Variants in NRCAM observed in about 807,000 individuals in gnomAD.
NRCAM encodes neuronal cell adhesion molecule, also known as NgCAM-related cell adhesion molecule.
NRCAM carries 83 observed loss-of-function variants against 156.5 expected under a neutral mutation model. That is an observed-to-expected ratio of 0.53 (90% CI 0.44 to 0.64). NRCAM has a LOEUF of 0.64. Among genes scored for constraint, NRCAM ranks in the 30% least tolerant of loss-of-function variants. The pLI, the probability that NRCAM is intolerant of heterozygous loss-of-function variation, is 0.00. For synonymous variants in NRCAM, 538 were observed against 563.9 expected, an observed-to-expected ratio of 0.95 and a Z score of 0.65; for missense variants, 1,417 against 1,597.3, an observed-to-expected ratio of 0.89 and a Z score of 1.92.
chr7:108,213,023 C>A lies in NRCAM; in HGVS notation c.891-3418G>T, dbSNP rs1482182578. ...GCATGAGGTAACCTATAAAGGAACA[C>A]CTATCAGATTAACAGCAGAGTTCTC... On this transcript the variant is annotated intron_variant, in intron 11 of 32. Coordinates refer to ENST00000379028, the MANE Select transcript of NRCAM (RefSeq NM_001037132.4). Among the ~76,000 whole-genome samples the A allele has an allele frequency of 3.3e-5, 5 of 152,142 alleles. No individual in the cohort carries two copies. The East Asian group carries it at 7.7e-4, about 24-fold the overall frequency.
rs1170729462 is a variant in NRCAM, at chr7:108,159,512, G to A, written c.3628C>T (p.Pro1210Ser). ...VKEKEDAHAD[P>S]EIQPMKEDDG... ...TCTTCCTTCATAGGCTGGATTTCAGGGTCAGCATGGGCATCTTCCTTTTCT... is the reference window on the plus strand; with the variant it reads ...TCTTCCTTCATAGGCTGGATTTCAGAGTCAGCATGGGCATCTTCCTTTTCT... The change falls in exon 32 of 33, where the codon CCT (proline) becomes TCT (serine). Residue 1210 changes from proline (P) to serine (S), a missense_variant. Transcript: ENST00000379028. 1 of 1,613,102 alleles carries A rather than the reference G, an allele frequency of 6.2e-7. No individual in the cohort carries two copies. Among genetic ancestry groups the A allele is most frequent in the African/African-American group, 1.3e-5 (1 of 74,792 alleles).
At chr7:108,299,729 C>T (rs4142284) in intron 3 of NRCAM, among the ~76,000 whole-genome samples, 40,773 of 152,038 alleles carry the variant, frequency 0.27, 6,551 homozygotes, top group East Asian at 0.6. Context: ...CATGTACATA[C>T]AGCACATTGA....
intron 32 of NRCAM, among the ~76,000 whole-genome samples, chr7:108,154,479 A>G (rs2043704382): frequency 6.6e-6 from 1 of 152,184 alleles, no homozygotes; most frequent in Non-Finnish European, 1.5e-5. Flanking sequence ...GTTATCATTA[A>G]TGACCAGCCA....
In NRCAM at chr7:108,168,509, G is replaced by C. The variant is rs2056367472; in HGVS notation, c.3188-107C>G. ...GAAATTGTGCAAATAGAATTAAATAGAATTTACTGCTAAAATTTAGGGTTC... is the reference window on the plus strand; with the variant it reads ...GAAATTGTGCAAATAGAATTAAATACAATTTACTGCTAAAATTTAGGGTTC... On this transcript the variant is annotated intron_variant, in intron 28 of 32. Coordinates refer to ENST00000379028, the MANE Select transcript of NRCAM (RefSeq NM_001037132.4). 2.9e-6 allele frequency: 3 copies of C among 1,046,744 alleles called. No individual in the cohort carries two copies. The East Asian group carries it at 9.6e-5, about 34-fold the overall frequency. The allele number at this position is 1,046,744 out of a possible 1,614,324, so 64.8% of individuals were successfully genotyped here. A position where few individuals can be genotyped will look rare whatever the true frequency, so the allele number is the denominator to read the frequency against.
At chr7:108,297,879 A>G (rs2098482396) in intron 3 of NRCAM, among the ~76,000 whole-genome samples, 1 of 152,166 alleles carries the variant, frequency 6.6e-6, no homozygotes, top group African/African-American at 2.4e-5. Context: ...ATGATATCTG[A>G]GCAAAGACCT....
intron 3 of NRCAM, among the ~76,000 whole-genome samples, chr7:108,260,168 C>T (rs1358069473): frequency 6.6e-6 from 1 of 152,050 alleles, no homozygotes; most frequent in Non-Finnish European, 1.5e-5. Context: ...ATTTCTAATC[C>T]TTAACCCATT....
intron 2 of NRCAM, among the ~76,000 whole-genome samples, chr7:108,389,514 G>A (rs552502852): frequency 6.6e-6 from 1 of 152,294 alleles, no homozygotes; most frequent in Admixed American, 6.5e-5. Context: ...GGGACAATTT[G>A]ACTTCCTCTT....
intron 1 of NRCAM, among the ~76,000 whole-genome samples, chr7:108,436,744 A>C (rs1240773364): frequency 3.3e-5 from 5 of 152,254 alleles, no homozygotes; most frequent in African/African-American, 1.2e-4. Flanking sequence ...ACCTACAGTG[A>C]AATGACAATC....
At position 108,241,428 on chromosome 7, in the gene NRCAM, G is replaced by A. The variant is rs190040769; in HGVS notation, c.-106-1258C>T. Among the ~76,000 whole-genome samples the A allele has an allele frequency of 2.0e-5, 3 of 152,170 alleles. No homozygotes were observed. The East Asian group carries it at 5.8e-4, about 29-fold the overall frequency. ...TCCTCTCATTCATGAAGAGAAGTGGGGCAACCAATGACTCTCTCAAGAAGG... is the reference window on the plus strand; with the variant it reads ...TCCTCTCATTCATGAAGAGAAGTGGAGCAACCAATGACTCTCTCAAGAAGG... On this transcript the variant is annotated intron_variant, in intron 3 of 32. Transcript: ENST00000379028.
At chr7:108,442,845 C>A (rs1451635273) in intron 1 of NRCAM, among the ~76,000 whole-genome samples, 1 of 152,220 alleles carries the variant, frequency 6.6e-6, no homozygotes, top group Non-Finnish European at 1.5e-5. Context: ...GGGCCTTAAA[C>A]ATGTCAATCA....
At position 108,314,311 on chromosome 7, in the gene NRCAM, T is replaced by C. The variant is rs1356954847; in HGVS notation, c.-173-1580A>G. Among the ~76,000 whole-genome samples the C allele has an allele frequency of 7.2e-5, 11 of 152,302 alleles. No homozygotes were observed. In the South Asian group the frequency reaches 1.7e-3, roughly 23 times the overall value. On this transcript the variant is annotated intron_variant, in intron 2 of 32. Transcript: ENST00000379028. ...CATTACTCTTGTTTTGACAAATGTG[T>C]CAATGGCCTTTCATTACCCCAAAAC...
intron 1 of NRCAM, among the ~76,000 whole-genome samples, chr7:108,405,059 G>C (rs1329191876): frequency 6.6e-6 from 1 of 152,216 alleles, no homozygotes; most frequent in Non-Finnish European, 1.5e-5. Flanking sequence ...CAGAGAGCTA[G>C]CGGCATATGA....
At chr7:108,239,725 G>A (rs1456687656) in intron 4 of NRCAM, among the ~76,000 whole-genome samples, 1 of 152,200 alleles carries the variant, frequency 6.6e-6, no homozygotes, top group Non-Finnish European at 1.5e-5. Flanking sequence ...AAAGGCACCT[G>A]AGGGGGAAGA....
intron 12 of NRCAM, among the ~76,000 whole-genome samples, chr7:108,208,448 G>A (rs2082309756): frequency 6.6e-6 from 1 of 152,128 alleles, no homozygotes; most frequent in Non-Finnish European, 1.5e-5. Context: ...TTCCTCTAAT[G>A]TTAACATCTT....
At chr7:108,396,442 T>C (rs1554602646) in intron 2 of NRCAM, among the ~76,000 whole-genome samples, 1 of 152,224 alleles carries the variant, frequency 6.6e-6, no homozygotes, top group Non-Finnish European at 1.5e-5. Flanking sequence ...TAATGCAGCG[T>C]TTCCATAAAT....
At chr7:108,366,029 T>C (rs977611987) in intron 2 of NRCAM, among the ~76,000 whole-genome samples, 1 of 152,158 alleles carries the variant, frequency 6.6e-6, no homozygotes, top group East Asian at 1.9e-4. Flanking sequence ...GGGGCCCTCA[T>C]AGAAGGGCTT....
chr7:108,245,218 A>C (rs1486966068), intron 3 of NRCAM, among the ~76,000 whole-genome samples: 2 of 152,176 alleles, frequency 1.3e-5, no homozygotes, highest in Non-Finnish European at 2.9e-5. Context: ...GCTTTTAGCC[A>C]TCTCACACTG....
At chr7:108,209,738 A>G (rs1055428471) in intron 11 of NRCAM, 133 bp from the exon 12 acceptor site, 4 of 652,446 alleles carry the variant, frequency 6.1e-6, no homozygotes, top group Non-Finnish European at 1.0e-5. Context: ...TATTTTAATT[A>G]GCACCACACT....
chr7:108,213,633 A>C (rs566930206), intron 11 of NRCAM, among the ~76,000 whole-genome samples: 2 of 152,350 alleles, frequency 1.3e-5, no homozygotes, highest in East Asian at 3.9e-4. Context: ...TGTATCAGAC[A>C]AAACAAACTT....
Sources: allele counts gnomAD v4.1 joint callset (sites outside exome capture counted in the v4.1 genomes callset), GRCh38; gene constraint gnomAD v4.1.1; transcripts MANE v1.5; gene names NCBI Gene and HGNC (gene_info 2026-07-23, HGNC 2026-07-21).